METTL15: variants seen among roughly 807,000 people sequenced by gnomAD.
METTL15 encodes methyltransferase 15, mitochondrial 12S rRNA N4-cytidine.
A neutral mutation model predicts 38.3 loss-of-function variants in METTL15; 34 were observed. The observed-to-expected ratio is 0.89, with a 90% CI of 0.68 to 1.18. METTL15 has a LOEUF of 1.18. METTL15 is among the 50% of genes most tolerant of loss of function. The pLI, the probability that METTL15 is intolerant of heterozygous loss-of-function variation, is 0.00. For synonymous variants in METTL15, 162 were observed against 170.9 expected, an observed-to-expected ratio of 0.95 and a Z score of 0.41; for missense variants, 438 against 498.4, an observed-to-expected ratio of 0.88 and a Z score of 1.15.
intron 6 of METTL15, among the ~76,000 whole-genome samples, chr11:28,322,449 A>G (rs772302975): frequency 7.9e-5 from 12 of 152,126 alleles, no homozygotes; most frequent in Non-Finnish European, 1.8e-4. Context: ...AATGAAAATT[A>G]AAACAGCGGT....
At chr11:28,263,605 C>T (rs554468781) in intron 4 of METTL15, among the ~76,000 whole-genome samples, 5 of 152,022 alleles carry the variant, frequency 3.3e-5, no homozygotes, top group East Asian at 1.9e-4. Flanking sequence ...AGATGTTTTT[C>T]GTCTTTCCAT....
intron 6 of METTL15, among the ~76,000 whole-genome samples, chr11:28,489,156 C>G (rs531690924): frequency 6.6e-6 from 1 of 152,134 alleles, no homozygotes; most frequent in Non-Finnish European, 1.5e-5. Context: ...GCTCCTAGCT[C>G]CTCTTGCTTT....
At chr11:28,479,912 T>C (rs1034082870) in intron 6 of METTL15, among the ~76,000 whole-genome samples, 2 of 152,240 alleles carry the variant, frequency 1.3e-5, no homozygotes, top group African/African-American at 4.8e-5. Context: ...AGTGCTTTTG[T>C]TGATTTTTGC....
intron 6 of METTL15, among the ~76,000 whole-genome samples, chr11:28,314,751 TG>T (rs1164503151): frequency 6.6e-6 from 1 of 152,164 alleles, no homozygotes; most frequent in Non-Finnish European, 1.5e-5. Flanking sequence ...TCCCATGTAT[TG>T]TGGGAGGGAA....
rs1851658501 is a variant in METTL15, at chr11:28,110,199, C to T, written c.-220C>T. 6.6e-6 allele frequency: 1 copy of T among 152,308 alleles called. No individual in the cohort carries two copies. The highest frequency in any genetic ancestry group is 1.9e-4 in the East Asian group (1 of 5,184). The allele number at this position is 152,308 out of a possible 1,614,324, so 9.4% of individuals were successfully genotyped here. A position where few individuals can be genotyped will look rare whatever the true frequency, so the allele number is the denominator to read the frequency against. ...TTTGGAAACCCCAGGCCAACAGGAC[C>T]CTTTGGCAGCTGAGGCTGGAAACAG... On this transcript the variant is annotated 5_prime_UTR_variant, in exon 2 of 7. Coordinates refer to ENST00000407364, the MANE Select transcript of METTL15 (RefSeq NM_001113528.2).
At chr11:28,528,177 G>C (rs991250304), downstream of METTL15, among the ~76,000 whole-genome samples, 41 of 152,030 alleles carry the variant, frequency 2.7e-4, 1 homozygote, top group Admixed American at 1.3e-4. Context: ...TCATGTATTG[G>C]AAAGAAAGTT....
chr11:28,119,512 G>C (rs757800010), intron 3 of METTL15, among the ~76,000 whole-genome samples: 1 of 152,166 alleles, frequency 6.6e-6, no homozygotes, highest in Non-Finnish European at 1.5e-5. Context: ...AGATACAAAG[G>C]CTGAGAAAAT....
chr11:28,145,822 G>A (rs1849863356), intron 3 of METTL15: 1 of 151,822 alleles, frequency 6.6e-6, no homozygotes, highest in Admixed American at 6.6e-5. Flanking sequence ...TAAAGCTTTA[G>A]ATTTATTCTA....
intron 3 of METTL15, among the ~76,000 whole-genome samples, chr11:28,198,725 G>A (rs1218603722): frequency 6.6e-6 from 1 of 152,116 alleles, no homozygotes; most frequent in Non-Finnish European, 1.5e-5. Context: ...TTTGGTAGGA[G>A]AAATGTTTGT....
intron 4 of METTL15, among the ~76,000 whole-genome samples, chr11:28,280,017 T>C (rs1248276284): frequency 2.6e-5 from 4 of 152,186 alleles, no homozygotes; most frequent in African/African-American, 9.7e-5. Context: ...ACATTAATTC[T>C]ATTCTTTCCT....
intron 4 of METTL15, among the ~76,000 whole-genome samples, chr11:28,233,666 T>A (rs1160174455): frequency 6.6e-6 from 1 of 152,086 alleles, no homozygotes; most frequent in African/African-American, 2.4e-5. Flanking sequence ...TTTCTCCTGC[T>A]TTTATTAATT....
At chr11:28,373,749 G>A (rs1160989231) in intron 5 of METTL15, among the ~76,000 whole-genome samples, 2 of 152,084 alleles carry the variant, frequency 1.3e-5, no homozygotes, top group African/African-American at 2.4e-5. Context: ...CCGTGCCTAT[G>A]TCCTGAATGG....
intron 3 of METTL15, among the ~76,000 whole-genome samples, chr11:28,207,701 T>A (rs1270078170): frequency 3.9e-5 from 6 of 152,196 alleles, no homozygotes; most frequent in Non-Finnish European, 8.8e-5. Flanking sequence ...TTCCTCCTTG[T>A]GCCTCTGGTA....
chr11:28,191,475 G>A (rs1851697965), intron 3 of METTL15, among the ~76,000 whole-genome samples: 1 of 151,262 alleles, frequency 6.6e-6, no homozygotes, highest in African/African-American at 2.4e-5. Context: ...CCTTTTAAGG[G>A]TTGCATCTTC....
At chr11:28,236,810 C>G (rs1854004246) in intron 4 of METTL15, among the ~76,000 whole-genome samples, 1 of 152,166 alleles carries the variant, frequency 6.6e-6, no homozygotes, top group African/African-American at 2.4e-5. Context: ...TTGACAAAAT[C>G]TCTCAGCATT....
rs962593888 is a variant in METTL15 at position 28,266,279 on chromosome 11, A to G, written c.408-23927A>G. On this transcript the variant is annotated intron_variant, in intron 4 of 6. Coordinates refer to ENST00000407364, the MANE Select transcript of METTL15 (RefSeq NM_001113528.2). The stretch of plus-strand genomic sequence containing the variant: ...GCACATGTATGTTTATTGCGGCGCT[A>G]TTCACAATAGCAAAGACTTGGAAAC... Among the ~76,000 whole-genome samples, 23 of 152,318 alleles carry G rather than the reference A, an allele frequency of 1.5e-4. 1 individual carries two copies. Among genetic ancestry groups the G allele is most frequent in the Middle Eastern group, 6.8e-3 (2 of 294 alleles).
chr11:28,483,465 CT>C (rs980714871), intron 6 of METTL15, among the ~76,000 whole-genome samples: 2 of 151,738 alleles, frequency 1.3e-5, no homozygotes, highest in African/African-American at 2.4e-5. Flanking sequence ...GGATTTCAAT[CT>C]TTTTTTTTCT....
chr11:28,125,879 G>C (rs764203020), intron 3 of METTL15: 1 of 151,970 alleles, frequency 6.6e-6, no homozygotes, highest in Non-Finnish European at 1.5e-5. Flanking sequence ...TAGTAATTTT[G>C]AATATTTTTT....
intron 3 of METTL15, among the ~76,000 whole-genome samples, chr11:28,182,337 A>G (rs896038434): frequency 1.4e-4 from 21 of 152,050 alleles, no homozygotes; most frequent in African/African-American, 4.8e-4. Context: ...GCCCTTGCCT[A>G]TGTCCTGAAT....
Sources: allele counts gnomAD v4.1 joint callset (sites outside exome capture counted in the v4.1 genomes callset), GRCh38; gene constraint gnomAD v4.1.1; transcripts MANE v1.5; gene names NCBI Gene and HGNC (gene_info 2026-07-23, HGNC 2026-07-21).